The following TSHZ3 variants were observed in gnomAD, a reference collection of about 807,000 sequenced individuals.
TSHZ3 encodes the protein teashirt zinc finger homeobox 3, also known as teashirt homolog 3.
Under a neutral mutation model 64.5 loss-of-function variants are expected in TSHZ3, and 10 were observed. That is an observed-to-expected ratio of 0.16 (90% CI 0.10 to 0.26). TSHZ3 has a LOEUF of 0.26. TSHZ3 is among the 10% of genes least tolerant of loss of function. The probability of loss-of-function intolerance (pLI) is 1.00; values close to 1 mark genes in which losing one functional copy is unlikely to be tolerated. For synonymous variants in TSHZ3, 608 were observed against 593.1 expected (o/e 1.03, Z -0.36); for missense variants, 1,242 against 1,421.7 (o/e 0.87, Z 2.03).
intron 1 of TSHZ3, among the ~76,000 whole-genome samples, chr19:31,346,692 T>C (rs1425049484): frequency 1.3e-5 from 2 of 151,930 alleles, no homozygotes; most frequent in African/African-American, 4.8e-5. Context: ...ACTCCCAGTA[T>C]GCCACAAAAG....
At chr19:31,281,428 G>A (rs979774912) in intron 1 of TSHZ3, among the ~76,000 whole-genome samples, 3 of 152,140 alleles carry the variant, frequency 2.0e-5, no homozygotes, top group Non-Finnish European at 4.4e-5. Context: ...ACTGCCCCAG[G>A]TACACACATC....
At chr19:31,241,473 T>G (rs1208649011) in intron 3 of TSHZ3, among the ~76,000 whole-genome samples, 1 of 152,216 alleles carries the variant, frequency 6.6e-6, no homozygotes, top group Non-Finnish European at 1.5e-5. Flanking sequence ...CCTCCGTCAC[T>G]GTCAAAGCTT....
intron 1 of TSHZ3, among the ~76,000 whole-genome samples, chr19:31,300,333 G>A (rs1019514730): frequency 1.3e-5 from 2 of 152,160 alleles, no homozygotes; most frequent in African/African-American, 4.8e-5. Flanking sequence ...TAAAGGTGAA[G>A]GTTTATTATA....
chr19:31,242,167 AG>A lies in TSHZ3; in HGVS notation n.550+101del, dbSNP rs543404581. Reference sequence around the variant, plus strand: ...TCTTCACTTAAAATTTGTCCCTTCCAGAAGACAGCTTTAGTATTAGTCAGGG... The same window carrying A: ...TCTTCACTTAAAATTTGTCCCTTCCAAAGACAGCTTTAGTATTAGTCAGGG... On this transcript the variant is annotated intron_variant and non_coding_transcript_variant, in intron 3 of 6. Coordinates refer to the TSHZ3 transcript ENST00000651361. Among the ~76,000 whole-genome samples, 6 of 152,328 alleles carry A rather than the reference AG, an allele frequency of 3.9e-5. No individual in the cohort carries two copies. In the South Asian group the frequency reaches 1.2e-3, roughly 32 times the overall value.
chr19:31,207,175 T>G (rs1293041043), intron 4 of TSHZ3, among the ~76,000 whole-genome samples: 1 of 152,186 alleles, frequency 6.6e-6, no homozygotes, highest in African/African-American at 2.4e-5. Context: ...ATGAATGCAT[T>G]GAAAAAAGTG....
chr19:31,267,140 C>T (rs1216362799), intron 1 of TSHZ3, among the ~76,000 whole-genome samples: 2 of 152,206 alleles, frequency 1.3e-5, no homozygotes, highest in Admixed American at 1.3e-4. Context: ...TATGAAAGGC[C>T]AAGGCAGGTC....
intron 1 of TSHZ3, among the ~76,000 whole-genome samples, chr19:31,257,698 C>A (rs1481756227): frequency 2.0e-5 from 3 of 152,316 alleles, no homozygotes; most frequent in East Asian, 1.9e-4. Flanking sequence ...CAGTCTCAGA[C>A]CCTCCTGGGG....
At chr19:31,171,493 G>A (rs893265548) in intron 5 of TSHZ3, among the ~76,000 whole-genome samples, 33 of 151,988 alleles carry the variant, frequency 2.2e-4, no homozygotes, top group African/African-American at 7.0e-4. Context: ...GAGTTTGGAT[G>A]TGGTGATACT....
chr19:31,165,208 C>T (rs1974431239), intron 5 of TSHZ3, among the ~76,000 whole-genome samples: 1 of 152,200 alleles, frequency 6.6e-6, no homozygotes. Flanking sequence ...CAAGATTCAG[C>T]TACCGCTGTG....
downstream of TSHZ3, among the ~76,000 whole-genome samples, chr19:31,272,056 T>G (rs1362432245): frequency 2.0e-5 from 3 of 151,932 alleles, no homozygotes; most frequent in African/African-American, 7.3e-5. Flanking sequence ...AGAAAAAAAA[T>G]CATTGGATTT....
Position 31,277,962 on chromosome 19 carries a change from C to G in TSHZ3, c.1831G>C (p.Glu611Gln). 6.2e-7 allele frequency: 1 copy of G among 1,614,230 alleles called. No homozygotes were observed. Among genetic ancestry groups the G allele is most frequent in the Non-Finnish European group, 8.5e-7 (1 of 1,180,046 alleles). Residue 611 changes from glutamate (E) to glutamine (Q), a missense_variant, in exon 2 of 2, where the codon GAG becomes CAG. Around this residue, in one of 4 missense-constraint regions of TSHZ3, gnomAD observed 550 missense variants for 545.1 expected, o/e 1.01. Coordinates refer to ENST00000240587, the MANE Select transcript of TSHZ3 (RefSeq NM_020856.4). This position sits in a 1 kb window ranked among gnomAD's most constrained non-coding sequence, Gnocchi z 4.5. ...TCAGTGACCTTTTTCACCAGCTCCT[C>G]CATGGCATGAAAGTTTGTCTTGGGC... ...PMPKTNFHAMEELVKKVTEKV... is the reference protein window; with the variant it reads ...PMPKTNFHAMQELVKKVTEKV...
At chr19:31,292,575 TAA>T (rs1429879374) in intron 1 of TSHZ3, among the ~76,000 whole-genome samples, 4 of 152,264 alleles carry the variant, frequency 2.6e-5, no homozygotes, top group Admixed American at 2.6e-4. Flanking sequence ...AGATGGGAGT[TAA>T]GATTTACATG....
chr19:31,301,213 G>A (rs1976751216), intron 1 of TSHZ3, among the ~76,000 whole-genome samples: 1 of 152,062 alleles, frequency 6.6e-6, no homozygotes, highest in African/African-American at 2.4e-5. Context: ...CAAAGAAGCG[G>A]GTGGTGCAGA....
chr19:31,227,250 G>A (rs1458284433), intron 4 of TSHZ3, among the ~76,000 whole-genome samples: 1 of 151,864 alleles, frequency 6.6e-6, no homozygotes, highest in Admixed American at 6.6e-5. Flanking sequence ...AGAGTGCTGG[G>A]ATTACAGGAA....
chr19:31,292,004 G>C (rs1202888209), intron 1 of TSHZ3, among the ~76,000 whole-genome samples: 1 of 152,166 alleles, frequency 6.6e-6, no homozygotes, highest in African/African-American at 2.4e-5. Context: ...CTGCCTGTGG[G>C]TGCCGTATTC....
At chr19:31,263,557 G>A (rs1976011086) in intron 1 of TSHZ3, among the ~76,000 whole-genome samples, 2 of 152,326 alleles carry the variant, frequency 1.3e-5, no homozygotes, top group South Asian at 4.1e-4. Context: ...GTGGCAAGTG[G>A]GGGACTTATT....
chr19:31,339,751 G>C (rs1917368444), intron 1 of TSHZ3, among the ~76,000 whole-genome samples: 1 of 151,506 alleles, frequency 6.6e-6, no homozygotes, highest in Non-Finnish European at 1.5e-5. Flanking sequence ...GGGAGGCCTG[G>C]GAAATCGTAC....
intron 5 of TSHZ3, among the ~76,000 whole-genome samples, chr19:31,177,890 T>G (rs1974636446): frequency 6.6e-6 from 1 of 152,144 alleles, no homozygotes; most frequent in South Asian, 2.1e-4. Flanking sequence ...ATGAACCTGA[T>G]GTTCACAATG....
chr19:31,178,259 A>G (rs909988875), intron 5 of TSHZ3, among the ~76,000 whole-genome samples: 1 of 152,222 alleles, frequency 6.6e-6, no homozygotes, highest in Non-Finnish European at 1.5e-5. Context: ...AGCTGTCAGC[A>G]TCTCCTGGCT....
Sources: gnomAD v4.1 joint callset for allele counts (sites outside exome capture counted in the v4.1 genomes callset) on GRCh38, gnomAD v4.1.1 for gene constraint, gnomAD v4.1.1 regional missense constraint, Gnocchi (gnomAD v3.1) non-coding constraint, MANE v1.5 for transcripts, NCBI Gene and HGNC (gene_info 2026-07-23, HGNC 2026-07-21) for gene names.